Variants in MCF2 observed in about 807,000 individuals in gnomAD.
The protein encoded by MCF2 is proto-oncogene DBL.
MCF2 carries 44 observed loss-of-function variants against 82.5 expected under a neutral mutation model. The ratio of observed to expected loss-of-function variants is 0.53; its 90% CI spans 0.42 to 0.69. The LOEUF is 0.69. Among genes scored for constraint, MCF2 ranks in the 30% least tolerant of loss-of-function variants. The probability of loss-of-function intolerance (pLI) is 0.00; values close to 1 mark genes in which losing one functional copy is unlikely to be tolerated. For missense variants in MCF2, 623 were observed against 663.1 expected (o/e 0.94, Z 0.66); for synonymous variants, 217 against 224.9 (o/e 0.96, Z 0.32).
At chrX:139,659,261 T>C (rs1934289474) in intron 1 of MCF2, among the ~76,000 whole-genome samples, 1 of 109,417 alleles carries the variant, frequency 9.1e-6, no homozygotes, top group Non-Finnish European at 1.9e-5. Context: ...CACTCCAGCC[T>C]GGTGACAGAG....
At chrX:139,604,896 A>G in exon 14 of MCF2, 2 of 1,190,257 alleles carry the variant, frequency 1.7e-6, no homozygotes, top group Non-Finnish European at 2.3e-6. Flanking sequence ...TATTTCTGCC[A>G]TGTTTCCAAA....
At chrX:139,686,148 C>A (rs959521980) in intron 1 of MCF2, among the ~76,000 whole-genome samples, 1 of 110,227 alleles carries the variant, frequency 9.1e-6, no homozygotes, top group Non-Finnish European at 1.9e-5. Flanking sequence ...CTATGACAAA[C>A]CCACAGCCGA....
chrX:139,701,332 T>C (rs1326699231), intron 1 of MCF2, among the ~76,000 whole-genome samples: 1 of 112,154 alleles, frequency 8.9e-6, no homozygotes, highest in Non-Finnish European at 1.9e-5. Context: ...TTGGCTAGGC[T>C]ATAATTAATC....
chrX:139,660,846 C>G (rs1014288488), intron 1 of MCF2, among the ~76,000 whole-genome samples: 1 of 111,923 alleles, frequency 8.9e-6, no homozygotes, highest in Non-Finnish European at 1.9e-5. Context: ...AGCAAATATC[C>G]ACTGGATTCT....
At chrX:139,632,893 T>C (rs1211033350) in intron 1 of MCF2, among the ~76,000 whole-genome samples, 1 of 112,004 alleles carries the variant, frequency 8.9e-6, no homozygotes, top group Admixed American at 9.5e-5. Context: ...TATATTTTTA[T>C]TTTAATCCAA....
intron 20 of MCF2, among the ~76,000 whole-genome samples, chrX:139,588,759 C>CTAATAA (rs1491286529): frequency 9.6e-6 from 1 of 104,011 alleles, no homozygotes; most frequent in African/African-American, 3.5e-5. Context: ...ACTACTACTA[C>CTAATAA]TACTAATAAT....
At chrX:139,640,947 C>T (rs1473883362) in intron 1 of MCF2, among the ~76,000 whole-genome samples, 1 of 110,462 alleles carries the variant, frequency 9.1e-6, no homozygotes, top group Non-Finnish European at 1.9e-5. Context: ...TCTCCACCAG[C>T]CAGAATTTCT....
At chrX:139,697,688 T>A (rs1224575905) in intron 1 of MCF2, among the ~76,000 whole-genome samples, 2 of 112,149 alleles carry the variant, frequency 1.8e-5, no homozygotes, top group Non-Finnish European at 3.8e-5. Flanking sequence ...GTTTACCCCT[T>A]CTCAGGAAAT....
At chrX:139,640,439 C>G (rs181963688) in intron 1 of MCF2, among the ~76,000 whole-genome samples, 130 of 111,618 alleles carry the variant, frequency 1.2e-3, no homozygotes, top group African/African-American at 3.4e-3. Context: ...AGTTGTCAAG[C>G]AACTTGTCAA....
chrX:139,636,627 GCTCTCTACT>G (rs965121426), intron 1 of MCF2, among the ~76,000 whole-genome samples: 1 of 111,368 alleles, frequency 9.0e-6, no homozygotes, highest in Non-Finnish European at 1.9e-5. Context: ...GTAAGGCCCT[GCTCTCTACT>G]CTGCCATTCC....
At chrX:139,639,896 A>G (rs1160095940) in intron 1 of MCF2, among the ~76,000 whole-genome samples, 2 of 111,912 alleles carry the variant, frequency 1.8e-5, no homozygotes, top group Non-Finnish European at 3.8e-5. Context: ...AGTAACAATA[A>G]GAGAGACCCT....
At chrX:139,584,634 T>C (rs1484182026) in intron 24 of MCF2, among the ~76,000 whole-genome samples, 1 of 112,086 alleles carries the variant, frequency 8.9e-6, no homozygotes, top group Non-Finnish European at 1.9e-5. Context: ...CACACTAAAA[T>C]ATATCCCCCA....
intron 1 of MCF2, among the ~76,000 whole-genome samples, chrX:139,706,974 G>A (rs773967407): frequency 9.1e-6 from 1 of 110,125 alleles, no homozygotes; most frequent in Non-Finnish European, 1.9e-5. Context: ...AAATGATGAA[G>A]TACATCAATG....
chrX:139,631,594 A>G, intron 2 of MCF2, 83 bp from the exon 6 acceptor site: 1 of 577,925 alleles, frequency 1.7e-6, no homozygotes, highest in South Asian at 3.0e-5. Context: ...TTTGGCATAC[A>G]TTTAGCAGAA....
intron 16 of MCF2, among the ~76,000 whole-genome samples, chrX:139,602,196 C>T (rs1930606848): frequency 9.1e-6 from 1 of 110,368 alleles, no homozygotes; most frequent in Non-Finnish European, 1.9e-5. Context: ...AGGTAAATAC[C>T]AAAGGATGTA....
At chrX:139,588,919 G>A (rs945073897) in intron 20 of MCF2, among the ~76,000 whole-genome samples, 7 of 108,386 alleles carry the variant, frequency 6.5e-5, no homozygotes, top group East Asian at 2.9e-4. Flanking sequence ...AACAGGGTGA[G>A]ACGCTGTCTC....
rs1253800104 is a variant in MCF2 at position 139,708,092 on chromosome X, A to G, written c.-45+14T>C. ...TCCATTTCTTATATTACTCTAAGGT[A>G]AAGAAATACTTACCACAAATGTTTG... On this transcript the variant is annotated intron_variant, in intron 1 of 27. Transcript: ENST00000414978. The G allele has an allele frequency of 8.9e-6, 1 of 112,203 alleles. No homozygotes were observed. Among genetic ancestry groups the G allele is most frequent in the African/African-American group, 3.2e-5 (1 of 30,851 alleles). The allele number at this position is 112,203 out of a possible 1,213,427, so 9.2% of individuals were successfully genotyped here.
At chrX:139,699,123 G>A (rs1300609348) in intron 1 of MCF2, among the ~76,000 whole-genome samples, 1 of 111,607 alleles carries the variant, frequency 9.0e-6, no homozygotes, top group Non-Finnish European at 1.9e-5. Context: ...GAAAATAACC[G>A]TATCAATGAA....
At chrX:139,648,386 A>C (rs1243560890) in intron 2 of MCF2, among the ~76,000 whole-genome samples, 1 of 107,199 alleles carries the variant, frequency 9.3e-6, no homozygotes, top group Non-Finnish European at 1.9e-5. Flanking sequence ...CGCCCCCCCC[A>C]AAAAGAAAGA....
Sources: allele counts gnomAD v4.1 joint callset (sites outside exome capture counted in the v4.1 genomes callset), GRCh38; gene constraint gnomAD v4.1.1; transcripts MANE v1.5; gene names NCBI Gene and HGNC (gene_info 2026-07-23, HGNC 2026-07-21).